The following IL1RAPL1 variants were observed in gnomAD, a reference collection of about 807,000 sequenced individuals.
The protein encoded by IL1RAPL1 is interleukin 1 receptor accessory protein like 1.
In IL1RAPL1, 3 loss-of-function variants were observed where a neutral mutation model predicts 48.4. That is an observed-to-expected ratio of 0.06 (90% confidence interval 0.03 to 0.16). IL1RAPL1 has a LOEUF of 0.16. Among genes scored for constraint, IL1RAPL1 ranks in the 10% least tolerant of loss-of-function variants. IL1RAPL1 has a pLI of 1.00. For missense variants in IL1RAPL1, 349 were observed against 530.6 expected (o/e 0.66, Z 3.36); for synonymous variants, 185 against 187.7 (o/e 0.99, Z 0.12).
chrX:29,333,930 T>C (rs868795815), intron 3 of IL1RAPL1, among the ~76,000 whole-genome samples: 62 of 12,321 alleles, frequency 5.0e-3, no homozygotes, highest in Middle Eastern at 0.1. Flanking sequence ...GGGGGGCTGA[T>C]CCCCCCACCT....
chrX:29,825,591 G>A (rs1327618671), intron 6 of IL1RAPL1, among the ~76,000 whole-genome samples: 3 of 111,771 alleles, frequency 2.7e-5, no homozygotes, highest in African/African-American at 6.5e-5. Context: ...AACAACAATA[G>A]TTGCTTTGTA....
At chrX:28,904,822 A>G (rs1235514158) in intron 2 of IL1RAPL1, among the ~76,000 whole-genome samples, 1 of 112,395 alleles carries the variant, frequency 8.9e-6, no homozygotes, top group Non-Finnish European at 1.9e-5. Flanking sequence ...AATATATGCA[A>G]TAGAGAAATA....
intron 2 of IL1RAPL1, among the ~76,000 whole-genome samples, chrX:28,889,620 C>T (rs1251435482): frequency 2.7e-5 from 3 of 111,413 alleles, no homozygotes; most frequent in Non-Finnish European, 5.7e-5. Context: ...CATCTTTCAA[C>T]TTATTAAGCA....
intron 6 of IL1RAPL1, among the ~76,000 whole-genome samples, chrX:29,903,929 G>C (rs12839149): frequency 8.9e-6 from 1 of 111,838 alleles, no homozygotes; most frequent in Admixed American, 9.5e-5. Flanking sequence ...CTTCAGGACT[G>C]CAGACCTGGC....
At chrX:29,605,123 C>CACAA (rs1569125214) in intron 5 of IL1RAPL1, among the ~76,000 whole-genome samples, 8 of 87,071 alleles carry the variant, frequency 9.2e-5, no homozygotes, top group African/African-American at 3.6e-4. Flanking sequence ...CACACACACA[C>CACAA]ACACGGAGGG....
At chrX:29,552,245 C>T (rs1921841542) in intron 5 of IL1RAPL1, among the ~76,000 whole-genome samples, 1 of 111,673 alleles carries the variant, frequency 9.0e-6, no homozygotes, top group African/African-American at 3.3e-5. Flanking sequence ...TTCCCCTTTG[C>T]CATGCACATT....
intron 2 of IL1RAPL1, among the ~76,000 whole-genome samples, chrX:28,933,569 A>G (rs914319817): frequency 7.2e-5 from 8 of 111,285 alleles, no homozygotes. Context: ...ACAGGGTAAA[A>G]TGTTATCGGA....
chrX:29,652,605 T>G (rs926159186), intron 5 of IL1RAPL1, among the ~76,000 whole-genome samples: 10 of 111,788 alleles, frequency 8.9e-5, no homozygotes, highest in Non-Finnish European at 1.5e-4. Context: ...AAAAATTCAA[T>G]TCGGATCACA....
chrX:29,523,398 A>C (rs1286266268), intron 5 of IL1RAPL1, among the ~76,000 whole-genome samples: 1 of 111,872 alleles, frequency 8.9e-6, no homozygotes, highest in Non-Finnish European at 1.9e-5. Context: ...ATATATGAGA[A>C]AGTATGAGAA....
intron 2 of IL1RAPL1, among the ~76,000 whole-genome samples, chrX:29,085,927 A>G (rs1927943292): frequency 8.9e-6 from 1 of 112,290 alleles, no homozygotes; most frequent in Non-Finnish European, 1.9e-5. Context: ...TTAAGATAAA[A>G]TGTTAGTGGG....
At chrX:29,243,176 C>T (rs1022306135) in intron 2 of IL1RAPL1, among the ~76,000 whole-genome samples, 4 of 112,360 alleles carry the variant, frequency 3.6e-5, no homozygotes, top group African/African-American at 1.3e-4. Flanking sequence ...CAGAGTATTG[C>T]AAAGCGTATT....
intron 3 of IL1RAPL1, among the ~76,000 whole-genome samples, chrX:29,345,023 C>T (rs1158574744): frequency 1.8e-5 from 2 of 112,748 alleles, no homozygotes; most frequent in Non-Finnish European, 3.7e-5. Context: ...TTTTAACTGA[C>T]AGAGTATTTC....
chrX:28,983,803 AT>A (rs1389846784), intron 2 of IL1RAPL1, among the ~76,000 whole-genome samples: 2 of 111,746 alleles, frequency 1.8e-5, no homozygotes, highest in Admixed American at 1.9e-4. Context: ...TAATGAATTA[AT>A]TGGAAATAAC....
chrX:29,689,850 A>G (rs1926728164), intron 6 of IL1RAPL1, among the ~76,000 whole-genome samples: 1 of 112,190 alleles, frequency 8.9e-6, no homozygotes, highest in Non-Finnish European at 1.9e-5. Context: ...GTGTATGTAT[A>G]TACATATATA....
At chrX:29,682,617 G>A (rs375903709) in intron 6 of IL1RAPL1, among the ~76,000 whole-genome samples, 14 of 111,066 alleles carry the variant, frequency 1.3e-4, no homozygotes, top group African/African-American at 3.6e-4. Context: ...GTTGCATTTC[G>A]GACTCTTAGA....
At chrX:29,130,000 A>G (rs750649356) in intron 2 of IL1RAPL1, among the ~76,000 whole-genome samples, 6 of 111,190 alleles carry the variant, frequency 5.4e-5, no homozygotes, top group Non-Finnish European at 7.5e-5. Context: ...GGGTTTTTCA[A>G]TCGTTTTCTG....
intron 1 of IL1RAPL1, among the ~76,000 whole-genome samples, chrX:28,708,614 C>T (rs894550263): frequency 1.1e-4 from 12 of 111,584 alleles, no homozygotes; most frequent in East Asian, 2.8e-4. Flanking sequence ...TAAGGGAATA[C>T]TATATTGTTC....
intron 5 of IL1RAPL1, among the ~76,000 whole-genome samples, chrX:29,649,725 T>G (rs1925453496): frequency 9.0e-6 from 1 of 111,460 alleles, no homozygotes; most frequent in Admixed American, 9.5e-5. Flanking sequence ...CTTTCACTAC[T>G]TCTATTCAAC....
At chrX:29,003,008 CTG>C (rs1262191423) in intron 2 of IL1RAPL1, among the ~76,000 whole-genome samples, 3 of 109,718 alleles carry the variant, frequency 2.7e-5, no homozygotes, top group Non-Finnish European at 3.8e-5. Context: ...AATGTACACA[CTG>C]AATACAAACA....
Sources: gnomAD v4.1 joint callset for allele counts (sites outside exome capture counted in the v4.1 genomes callset) on GRCh38, gnomAD v4.1.1 for gene constraint, MANE v1.5 for transcripts, NCBI Gene and HGNC (gene_info 2026-07-23, HGNC 2026-07-21) for gene names.